The following GABRG3 variants were observed in gnomAD, a reference collection of about 807,000 sequenced individuals.
GABRG3 encodes gamma-aminobutyric acid receptor subunit gamma-3.
Under a neutral mutation model 48.8 loss-of-function variants are expected in GABRG3, and 25 were observed. The observed-to-expected ratio is 0.51, with a 90% CI of 0.37 to 0.72. The LOEUF (loss-of-function observed/expected upper bound fraction) is 0.72, where lower values mean the gene tolerates loss of function less well. Among genes scored for constraint, GABRG3 ranks in the 30% least tolerant of loss-of-function variants. The pLI is 0.00. For missense variants in GABRG3, 394 were observed against 577.9 expected, an observed-to-expected ratio of 0.68 and a Z score of 3.26; for synonymous variants, 227 against 217.6, an observed-to-expected ratio of 1.04 and a Z score of -0.38.
At chr15:27,017,361 G>C (rs556736450) in intron 2 of GABRG3, among the ~76,000 whole-genome samples, 1 of 152,274 alleles carries the variant, frequency 6.6e-6, no homozygotes, top group South Asian at 2.1e-4. Context: ...TCACTCTGAT[G>C]CCTGTTTGTG....
intron 5 of GABRG3, among the ~76,000 whole-genome samples, chr15:27,357,335 T>C (rs1894875182): frequency 6.6e-6 from 1 of 152,260 alleles, no homozygotes; most frequent in African/African-American, 2.4e-5. Flanking sequence ...ATTGACGTAG[T>C]ATAAGATGTA....
At chr15:27,512,703 G>A (rs376306734) in intron 6 of GABRG3, among the ~76,000 whole-genome samples, 1 of 152,194 alleles carries the variant, frequency 6.6e-6, no homozygotes, top group Non-Finnish European at 1.5e-5. Context: ...TGGAGGTTGT[G>A]GAGAAGAAAA....
intron 2 of GABRG3, among the ~76,000 whole-genome samples, chr15:27,006,327 G>A (rs976058357): frequency 1.4e-4 from 22 of 151,944 alleles, no homozygotes; most frequent in African/African-American, 5.3e-4. Context: ...TCAGCCTCCC[G>A]AGTAGCTGGG....
At chr15:27,434,939 T>G (rs1400918311) in intron 5 of GABRG3, among the ~76,000 whole-genome samples, 2 of 152,190 alleles carry the variant, frequency 1.3e-5, no homozygotes, top group African/African-American at 4.8e-5. Context: ...CCTGCTCTCA[T>G]CTTTCCACTT....
chr15:27,299,518 A>T (rs895780736), intron 3 of GABRG3, among the ~76,000 whole-genome samples: 1 of 152,180 alleles, frequency 6.6e-6, no homozygotes, highest in Non-Finnish European at 1.5e-5. Context: ...GCAAGCAGTG[A>T]GAGTTCTAAT....
chr15:27,466,601 A>G (rs1254053806), intron 5 of GABRG3, among the ~76,000 whole-genome samples: 1 of 152,254 alleles, frequency 6.6e-6, no homozygotes, highest in African/African-American at 2.4e-5. Flanking sequence ...GGAAGCTACC[A>G]CTTAACACTT....
At chr15:27,264,450 C>T (rs1890858344) in intron 3 of GABRG3, among the ~76,000 whole-genome samples, 1 of 151,976 alleles carries the variant, frequency 6.6e-6, no homozygotes, top group Non-Finnish European at 1.5e-5. Context: ...AATGTCCCTA[C>T]ATTTAAAACC....
At chr15:27,216,483 G>T (rs1328467253) in intron 3 of GABRG3, among the ~76,000 whole-genome samples, 2 of 152,172 alleles carry the variant, frequency 1.3e-5, no homozygotes, top group Non-Finnish European at 2.9e-5. Context: ...TGCCCTGGGT[G>T]CAGTGCAGAG....
intron 6 of GABRG3, among the ~76,000 whole-genome samples, chr15:27,505,325 C>T (rs74005015): frequency 0.12 from 18,070 of 152,100 alleles, 2,057 homozygotes; most frequent in African/African-American, 0.3. Context: ...GTGCTGTCTG[C>T]CAGATTTCCC....
At chr15:27,224,081 G>A (rs1326600785) in intron 3 of GABRG3, among the ~76,000 whole-genome samples, 1 of 152,130 alleles carries the variant, frequency 6.6e-6, no homozygotes, top group Non-Finnish European at 1.5e-5. Flanking sequence ...GAAGTACCAG[G>A]TGATGTACGT....
intron 5 of GABRG3, among the ~76,000 whole-genome samples, chr15:27,444,581 A>G (rs1268025606): frequency 6.6e-6 from 1 of 152,126 alleles, no homozygotes; most frequent in Non-Finnish European, 1.5e-5. Context: ...TCAAAGTTCA[A>G]TCTGATAATC....
chr15:27,047,144 T>C (rs1047030789), intron 3 of GABRG3, among the ~76,000 whole-genome samples: 4 of 152,194 alleles, frequency 2.6e-5, no homozygotes, highest in African/African-American at 9.7e-5. Context: ...ATCCAACATA[T>C]AGGGTATCTT....
intron 3 of GABRG3, among the ~76,000 whole-genome samples, chr15:27,186,336 T>A (rs1888097595): frequency 1.3e-5 from 2 of 152,198 alleles, no homozygotes; most frequent in Non-Finnish European, 1.5e-5. Flanking sequence ...TCAAGGGACA[T>A]GACTTCATTA....
intron 3 of GABRG3, among the ~76,000 whole-genome samples, chr15:27,273,908 C>A (rs1473715066): frequency 6.6e-6 from 1 of 152,138 alleles, no homozygotes; most frequent in Non-Finnish European, 1.5e-5. Flanking sequence ...TCATGAGTAG[C>A]CTAGCTAGGT....
chr15:27,260,967 AAATACAAGGACAC>A (rs1415447212), intron 3 of GABRG3, among the ~76,000 whole-genome samples: 1 of 152,192 alleles, frequency 6.6e-6, no homozygotes, highest in Non-Finnish European at 1.5e-5. Flanking sequence ...GGATGCATGG[AAATACAAGGACAC>A]AATGGTATTC....
intron 3 of GABRG3, among the ~76,000 whole-genome samples, chr15:27,037,294 C>T (rs1050815447): frequency 7.2e-5 from 11 of 152,270 alleles, no homozygotes; most frequent in Admixed American, 5.9e-4. Flanking sequence ...GCCTACATTT[C>T]GCAGGTCCTG....
chr15:27,028,478 A>G (rs961690877), intron 3 of GABRG3, among the ~76,000 whole-genome samples: 3 of 152,140 alleles, frequency 2.0e-5, no homozygotes, highest in African/African-American at 4.8e-5. Context: ...ACCTTTTCCC[A>G]TCAGAGATCT....
At chr15:27,417,387 G>A (rs62003770) in intron 5 of GABRG3, among the ~76,000 whole-genome samples, 1 of 152,158 alleles carries the variant, frequency 6.6e-6, no homozygotes, top group Admixed American at 6.5e-5. Flanking sequence ...ACCTCTAGGT[G>A]ACTGATGGCT....
chr15:27,375,471 G>A (rs942104924), intron 5 of GABRG3, among the ~76,000 whole-genome samples: 6 of 152,148 alleles, frequency 3.9e-5, no homozygotes, highest in East Asian at 3.9e-4. Context: ...AGGGACAGCC[G>A]AGGGCATAAG....
Sources: allele counts gnomAD v4.1 joint callset (sites outside exome capture counted in the v4.1 genomes callset), GRCh38; gene constraint gnomAD v4.1.1; transcripts MANE v1.5; gene names NCBI Gene and HGNC (gene_info 2026-07-23, HGNC 2026-07-21).